LCORL: variants seen among roughly 807,000 people sequenced by gnomAD.
LCORL encodes ligand dependent nuclear receptor corepressor like.
LCORL carries 41 observed loss-of-function variants against 141.8 expected under a neutral mutation model. The ratio of observed to expected loss-of-function variants is 0.29; its 90% CI spans 0.23 to 0.38. The LOEUF (loss-of-function observed/expected upper bound fraction) is 0.38. LCORL is among the 10% of genes least tolerant of loss of function. LCORL has a pLI of 1.00. For synonymous variants in LCORL, 618 were observed against 694.1 expected, an observed-to-expected ratio of 0.89 and a Z score of 1.72; for missense variants, 1,759 against 2,035.0, an observed-to-expected ratio of 0.86 and a Z score of 2.61.
chr4:17,955,445 T>A (rs1307175522), intron 4 of LCORL, among the ~76,000 whole-genome samples: 1 of 152,204 alleles, frequency 6.6e-6, no homozygotes, highest in Non-Finnish European at 1.5e-5. Flanking sequence ...ACACCTACTG[T>A]GTGCTAGTTC....
intron 7 of LCORL, among the ~76,000 whole-genome samples, chr4:17,867,495 C>A (rs1725819627): frequency 6.6e-6 from 1 of 152,052 alleles, no homozygotes; most frequent in Admixed American, 6.5e-5. Flanking sequence ...AGGCCATGGG[C>A]CAGACTTCCC....
At chr4:17,931,396 CT>C (rs995709939) in intron 4 of LCORL, among the ~76,000 whole-genome samples, 5 of 151,662 alleles carry the variant, frequency 3.3e-5, no homozygotes, top group Admixed American at 2.0e-4. Context: ...TTTTTCTTAG[CT>C]TTTTTTGATG....
At chr4:17,882,283 A>G (rs1727676024) in intron 6 of LCORL, 1 of 984,578 alleles carries the variant, frequency 1.0e-6, no homozygotes, top group Non-Finnish European at 1.2e-6. Context: ...ACTGGCTTAG[A>G]AAAATGATCA....
chr4:17,931,145 T>C (rs1007292869), intron 4 of LCORL, among the ~76,000 whole-genome samples: 11 of 152,106 alleles, frequency 7.2e-5, no homozygotes, highest in African/African-American at 2.7e-4. Context: ...TCAATAGTTG[T>C]TATTCTCCCC....
At chr4:17,868,406 T>C (rs1395903461) in intron 7 of LCORL, among the ~76,000 whole-genome samples, 1 of 152,090 alleles carries the variant, frequency 6.6e-6, no homozygotes, top group African/African-American at 2.4e-5. Flanking sequence ...ATGGCTACTA[T>C]TATTACAGGA....
At chr4:17,878,110 C>T (rs542988355) in exon 7 of LCORL, 1 of 1,230,494 alleles carries the variant, frequency 8.1e-7, no homozygotes, top group South Asian at 4.1e-5. Context: ...ATAGCCAAAA[C>T]TTGTTGCTGG....
At chr4:17,864,826 T>C (rs1375492392) in intron 7 of LCORL, among the ~76,000 whole-genome samples, 3 of 152,120 alleles carry the variant, frequency 2.0e-5, no homozygotes, top group Non-Finnish European at 2.9e-5. Flanking sequence ...ATAACAGTAG[T>C]GAAAAGCAAG....
At chr4:18,014,392 T>C (rs1724288188) in intron 1 of LCORL, among the ~76,000 whole-genome samples, 1 of 152,100 alleles carries the variant, frequency 6.6e-6, no homozygotes, top group Non-Finnish European at 1.5e-5. Context: ...TTACTATTGG[T>C]TGTAAGTCAG....
chr4:17,923,995 C>T (rs71603389), intron 4 of LCORL, among the ~76,000 whole-genome samples: 20,813 of 151,456 alleles, frequency 0.14, 1,514 homozygotes, highest in South Asian at 0.26. Flanking sequence ...CAGTGCAACT[C>T]GTTGTGCACT....
Position 17,909,121 on chromosome 4 carries a change from G to A in LCORL, c.655C>T (p.Arg219Ter), listed in dbSNP as rs1407767400. ...TGCTGAGTATTTTGTTCTTGCATTC[G>A]ATTCACAGTGAGGTCTAAGGGGCCT... Residue 219 changes from arginine (R) to a stop codon, truncating the protein, a stop_gained, in exon 5 of 8, where the codon CGA becomes TGA. Transcript: ENST00000635767. LOFTEE classifies it high-confidence loss of function. The A allele has an allele frequency of 1.2e-6, 2 of 1,600,358 alleles. No individual in the cohort carries two copies. Among genetic ancestry groups the A allele is most frequent in the Non-Finnish European group, 1.7e-6 (2 of 1,175,138 alleles).
At chr4:17,940,441 G>C (rs1231770053) in intron 4 of LCORL, among the ~76,000 whole-genome samples, 1 of 147,124 alleles carries the variant, frequency 6.8e-6, no homozygotes, top group African/African-American at 2.5e-5. Context: ...CTATAATATA[G>C]TAATATATAT....
intron 4 of LCORL, among the ~76,000 whole-genome samples, chr4:17,955,684 T>C (rs563863867): frequency 5.3e-5 from 8 of 152,208 alleles, no homozygotes; most frequent in African/African-American, 1.9e-4. Flanking sequence ...AAAAACAGCA[T>C]GATTGGATGT....
At chr4:17,883,773 T>C (rs982680093) in intron 6 of LCORL, 12 of 1,548,682 alleles carry the variant, frequency 7.7e-6, no homozygotes, top group Non-Finnish European at 1.0e-5. Context: ...TCTGTCATAT[T>C]ATATAACCCA....
intron 5 of LCORL, among the ~76,000 whole-genome samples, chr4:17,899,266 A>T (rs1730491724): frequency 6.6e-6 from 1 of 152,150 alleles, no homozygotes. Context: ...GTCATGAAGA[A>T]GTTTCTTTTG....
chr4:17,913,496 T>C (rs1471879614), intron 4 of LCORL, among the ~76,000 whole-genome samples: 1 of 152,234 alleles, frequency 6.6e-6, no homozygotes, highest in African/African-American at 2.4e-5. Flanking sequence ...GCAAAGGTTA[T>C]GGCAACAGTT....
chr4:17,988,880 G>C (rs1363616454), intron 1 of LCORL, among the ~76,000 whole-genome samples: 1 of 152,128 alleles, frequency 6.6e-6, no homozygotes, highest in Admixed American at 6.5e-5. Context: ...AGCTTCTCAG[G>C]AGGCAAGGCA....
chr4:17,912,695 C>A, intron 4 of LCORL: 1 of 391,012 alleles, frequency 2.6e-6, no homozygotes, highest in South Asian at 2.0e-5. Flanking sequence ...CTATGCCCTG[C>A]AGATGGAGTA....
chr4:17,917,366 T>C (rs113697721), intron 4 of LCORL, among the ~76,000 whole-genome samples: 11,287 of 152,212 alleles, frequency 0.074, 951 homozygotes, highest in African/African-American at 0.21. Flanking sequence ...CTAAGTTTTG[T>C]ATTTTTAGTA....
At chr4:17,850,380 C>CA (rs1283833097) in intron 7 of LCORL, among the ~76,000 whole-genome samples, 2 of 150,366 alleles carry the variant, frequency 1.3e-5, no homozygotes, top group African/African-American at 4.9e-5. Context: ...ACAACCTACT[C>CA]ATCTGACAAA....
Sources: allele counts gnomAD v4.1 joint callset (sites outside exome capture counted in the v4.1 genomes callset), GRCh38; gene constraint gnomAD v4.1.1; transcripts MANE v1.5; gene names NCBI Gene and HGNC (gene_info 2026-07-23, HGNC 2026-07-21).